PRDM2: variants seen among roughly 807,000 people sequenced by gnomAD.
PRDM2 encodes the protein PR/SET domain 2, also known as PR domain zinc finger protein 2.
A neutral mutation model predicts 130.0 loss-of-function variants in PRDM2; 30 were observed. That is an observed-to-expected ratio of 0.23 (90% CI 0.17 to 0.31). The LOEUF is 0.31. PRDM2 is among the 10% of genes least tolerant of loss of function. The pLI, the probability that PRDM2 is intolerant of heterozygous loss-of-function variation, is 1.00. For missense variants in PRDM2, 2,011 were observed against 2,108.4 expected, an observed-to-expected ratio of 0.95 and a Z score of 0.90; for synonymous variants, 871 against 782.4, an observed-to-expected ratio of 1.11 and a Z score of -1.89.
chr1:13,786,582 A>C (rs893975790), intron 8 of PRDM2: 29 of 1,602,470 alleles, frequency 1.8e-5, no homozygotes, highest in Non-Finnish European at 2.5e-5. Context: ...TGCATGCTCA[A>C]CTTAGGATAA....
chr1:13,747,444 GCT>G (rs1643644273), intron 5 of PRDM2, among the ~76,000 whole-genome samples: 1 of 152,188 alleles, frequency 6.6e-6, no homozygotes, highest in Non-Finnish European at 1.5e-5. Flanking sequence ...GTTCTTGATG[GCT>G]GTTTTAATTT....
intron 7 of PRDM2, among the ~76,000 whole-genome samples, chr1:13,777,474 C>T (rs957858518): frequency 6.6e-6 from 1 of 150,544 alleles, no homozygotes; most frequent in Non-Finnish European, 1.5e-5. Context: ...GTAAGTAGGC[C>T]CCTGTTTGCA....
chr1:13,759,162 CT>C (rs34840173), intron 6 of PRDM2, among the ~76,000 whole-genome samples: 33,993 of 140,806 alleles, frequency 0.24, 4,095 homozygotes, highest in South Asian at 0.37. Flanking sequence ...TTCCCCTACC[CT>C]TTTTTTTTTT....
intron 6 of PRDM2, among the ~76,000 whole-genome samples, chr1:13,769,563 C>T (rs750845383): frequency 9.9e-5 from 15 of 152,142 alleles, no homozygotes; most frequent in Non-Finnish European, 2.1e-4. Context: ...TAGTCCAAGG[C>T]CCTCACGATG....
intron 8 of PRDM2, among the ~76,000 whole-genome samples, chr1:13,812,505 C>T (rs939583763): frequency 6.6e-6 from 1 of 152,202 alleles, no homozygotes; most frequent in Non-Finnish European, 1.5e-5. Flanking sequence ...GTGCCATTTC[C>T]TGAGAAGAGT....
chr1:13,800,217 AAAGT>A (rs769468535), intron 8 of PRDM2, among the ~76,000 whole-genome samples: 7 of 152,388 alleles, frequency 4.6e-5, no homozygotes, highest in Non-Finnish European at 7.3e-5. Flanking sequence ...TGGAGACAGG[AAAGT>A]AAGTAAATAG....
chr1:13,704,653 C>T (rs1392165662), intron 1 of PRDM2, among the ~76,000 whole-genome samples: 1 of 152,124 alleles, frequency 6.6e-6, no homozygotes, highest in African/African-American at 2.4e-5. Flanking sequence ...ATTGGTAAAA[C>T]CCACACATTT....
intron 1 of PRDM2, among the ~76,000 whole-genome samples, chr1:13,711,858 A>C (rs1642380217): frequency 6.6e-6 from 1 of 152,176 alleles, no homozygotes; most frequent in Admixed American, 6.6e-5. Context: ...TATATAGTGA[A>C]TCTTTAAGAA....
At chr1:13,799,437 C>A (rs1037540784) in intron 8 of PRDM2, among the ~76,000 whole-genome samples, 2 of 139,060 alleles carry the variant, frequency 1.4e-5, no homozygotes, top group Non-Finnish European at 3.1e-5. Context: ...AAGAGCGAAA[C>A]TCCATCTCAA....
Position 13,715,571 on chromosome 1 carries a change from G to A in PRDM2, c.-35G>A. 1 of 1,547,196 alleles carries A rather than the reference G, an allele frequency of 6.5e-7. No individual in the cohort carries two copies. Among genetic ancestry groups the A allele is most frequent in the Non-Finnish European group, 8.7e-7 (1 of 1,149,254 alleles). On this transcript the variant is annotated 5_prime_UTR_variant, in exon 2 of 10. In the 5' UTR this introduces an upstream ATG that the reference lacks. Transcript: ENST00000311066. ...ATGTAATCAAAGAAGTTTCTTTGTTGTGTGTATCTTTACAGAACACAACAG... is the reference window on the plus strand; with the variant it reads ...ATGTAATCAAAGAAGTTTCTTTGTTATGTGTATCTTTACAGAACACAACAG...
chr1:13,701,623 A>T (rs755044770), intron 1 of PRDM2, among the ~76,000 whole-genome samples: 1 of 152,154 alleles, frequency 6.6e-6, no homozygotes, highest in African/African-American at 2.4e-5. Flanking sequence ...AAATTTTTAC[A>T]TGTAGAATCT....
At chr1:13,737,438 C>T (rs1225375541) in intron 4 of PRDM2, among the ~76,000 whole-genome samples, 3 of 152,144 alleles carry the variant, frequency 2.0e-5, no homozygotes, top group African/African-American at 7.2e-5. Flanking sequence ...GACCATATGG[C>T]CTGCAAAACT....
At position 13,778,500 on chromosome 1, in the gene PRDM2, G is replaced by T; in HGVS notation, c.705G>T (p.Val235=). ...ATLQEVASQE[V]PPELATPAPA... ...TCCAGGAGGTGGCCAGTCAGGAGGT[G>T]CCTCCAGAACTAGCAACCCCTGCCC... Residue 235 remains valine (V), a synonymous_variant, in exon 8 of 10, where the codon GTG becomes GTT. Transcript: ENST00000311066. The T allele has an allele frequency of 1.2e-6, 2 of 1,614,194 alleles. No individual in the cohort carries two copies. Among genetic ancestry groups the T allele is most frequent in the Non-Finnish European group, 1.7e-6 (2 of 1,180,018 alleles).
At chr1:13,774,759 A>G (rs889300219) in intron 7 of PRDM2, among the ~76,000 whole-genome samples, 3 of 151,996 alleles carry the variant, frequency 2.0e-5, no homozygotes, top group Non-Finnish European at 4.4e-5. Context: ...GGTGGATCAC[A>G]AGGTCAGGAG....
chr1:13,770,877 C>G (rs931213405), intron 6 of PRDM2, among the ~76,000 whole-genome samples: 1 of 152,216 alleles, frequency 6.6e-6, no homozygotes, highest in African/African-American at 2.4e-5. Flanking sequence ...AATTTCCTCA[C>G]ACATCAGTTG....
intron 6 of PRDM2, among the ~76,000 whole-genome samples, chr1:13,749,860 G>T (rs947312149): frequency 3.3e-5 from 5 of 152,226 alleles, no homozygotes; most frequent in African/African-American, 1.2e-4. Flanking sequence ...CCGCAGCCGC[G>T]CGCACGGCGG....
chr1:13,821,444 AT>A (rs1645349799), intron 9 of PRDM2, among the ~76,000 whole-genome samples: 1 of 139,760 alleles, frequency 7.2e-6, no homozygotes, highest in African/African-American at 2.8e-5. Context: ...TTATTTATTT[AT>A]TTATTTATTT....
In PRDM2 at chr1:13,781,629, T is replaced by C. The variant is rs146058507; in HGVS notation, c.3834T>C (p.Ser1278=). 151 of 1,613,804 alleles carry C rather than the reference T, an allele frequency of 9.4e-5. No homozygotes were observed. The East Asian group carries it at 3.3e-3, about 36-fold the overall frequency. ...ELYTTIKIMA[S]GIKTKDPDVR... The stretch of plus-strand genomic sequence containing the variant: ...ACACGACTATAAAAATAATGGCTTC[T>C]GGAATAAAGACAAAAGATCCAGATG... The change falls in exon 8 of 10, where the codon TCT becomes TCC. Residue 1278 remains serine (S), a synonymous_variant. Coordinates refer to ENST00000311066, the MANE Select transcript of PRDM2 (RefSeq NM_001393986.1). The surrounding 1 kb of genome is among the most constrained non-coding windows in gnomAD (Gnocchi z 6.1).
rs1644646327 is a variant in PRDM2 at position 13,782,778 on chromosome 1, G to C, written c.4983G>C (p.Leu1661Phe). ...RSLQLAAAADLSENKREDGSA... is the reference protein window; with the variant it reads ...RSLQLAAAADFSENKREDGSA... ...TTCAGCTGGCAGCTGCTGCTGACTT[G>C]AGTGAGAACAAGAGAGAGGACGGCA... The change falls in exon 8 of 10, where the codon TTG (leucine) becomes TTC (phenylalanine). Residue 1661 changes from leucine to phenylalanine, a missense_variant. By Grantham distance (22) the Leu-to-Phe change is conservative. Coordinates refer to ENST00000311066, the MANE Select transcript of PRDM2 (RefSeq NM_001393986.1). The C allele has an allele frequency of 1.2e-6, 2 of 1,611,542 alleles. No homozygotes were observed. The highest frequency in any genetic ancestry group is 1.3e-5 in the African/African-American group (1 of 74,726).
Sources: gnomAD v4.1 joint callset for allele counts (sites outside exome capture counted in the v4.1 genomes callset) on GRCh38, gnomAD v4.1.1 for gene constraint, Gnocchi (gnomAD v3.1) non-coding constraint, MANE v1.5 for transcripts, NCBI Gene and HGNC (gene_info 2026-07-23, HGNC 2026-07-21) for gene names.